Variants in GCNT1 observed in about 807,000 individuals in gnomAD.
GCNT1 encodes glucosaminyl (N-acetyl) transferase 1.
Under a neutral mutation model 26.2 loss-of-function variants are expected in GCNT1, and 16 were observed. The ratio of observed to expected loss-of-function variants is 0.61; its 90% CI spans 0.41 to 0.93. The LOEUF is 0.93. Among genes scored for constraint, GCNT1 ranks in the 40% least tolerant of loss-of-function variants. GCNT1 has a pLI of 0.00. For synonymous variants in GCNT1, 183 were observed against 190.8 expected (o/e 0.96, Z 0.34); for missense variants, 477 against 526.7 (o/e 0.91, Z 0.92).
rs750126976 is a variant in GCNT1 at position 76,502,398 on chromosome 9, T to A, written c.17T>A (p.Leu6Gln). 57 of 1,611,624 alleles carry A rather than the reference T, an allele frequency of 3.5e-5. No homozygotes were observed. Among genetic ancestry groups the A allele is most frequent in the Non-Finnish European group, 4.8e-5 (57 of 1,178,212 alleles). The change falls in exon 4 of 4, where the codon CTG (leucine) becomes CAG (glutamine). Residue 6 changes from leucine (L) to glutamine (Q), a missense_variant. By Grantham distance (113) the Leu-to-Gln change is moderately radical (BLOSUM62 -2). Transcript: ENST00000376730. MLRTL[L>Q]RRRLFSYPTK... Reference sequence around the variant, plus strand: ...TTGTTTGAAATGCTGAGGACGTTGCTGCGAAGGAGACTTTTTTCTTATCCC... The same window carrying A: ...TTGTTTGAAATGCTGAGGACGTTGCAGCGAAGGAGACTTTTTTCTTATCCC...
At chr9:76,430,975 T>C (rs1190836226) in intron 1 of GCNT1, among the ~76,000 whole-genome samples, 1 of 152,216 alleles carries the variant, frequency 6.6e-6, no homozygotes, top group Non-Finnish European at 1.5e-5. Context: ...CATGAGCCAC[T>C]GTACCTGGCC....
intron 2 of GCNT1, among the ~76,000 whole-genome samples, 156 bp downstream of exon 2, chr9:76,460,333 G>A (rs1025499606): frequency 5.3e-5 from 8 of 152,136 alleles, no homozygotes; most frequent in Admixed American, 2.0e-4. Flanking sequence ...TTCAAAGAAA[G>A]CCGTGGTGCC....
intron 1 of GCNT1, among the ~76,000 whole-genome samples, chr9:76,432,891 A>G (rs1475965215): frequency 6.6e-6 from 1 of 151,910 alleles, no homozygotes; most frequent in African/African-American, 2.4e-5. Context: ...TTGTTTTTTT[A>G]CAGTCGTGCT....
At chr9:76,470,112 A>G (rs1213688352) in intron 2 of GCNT1, among the ~76,000 whole-genome samples, 1 of 152,214 alleles carries the variant, frequency 6.6e-6, no homozygotes, top group Non-Finnish European at 1.5e-5. Context: ...GTGTGTGTGT[A>G]TATGACTTTG....
At chr9:76,467,908 T>TC (rs1331868981) in intron 2 of GCNT1, among the ~76,000 whole-genome samples, 1 of 132,188 alleles carries the variant, frequency 7.6e-6, no homozygotes, top group Non-Finnish European at 1.6e-5. Flanking sequence ...TTTTTTTTTT[T>TC]TTTTTTTTTT....
intron 2 of GCNT1, among the ~76,000 whole-genome samples, chr9:76,483,704 C>T (rs1358583841): frequency 1.3e-5 from 2 of 151,846 alleles, no homozygotes; most frequent in African/African-American, 4.8e-5. Flanking sequence ...ATAACAGGCA[C>T]AAGCCACCAC....
At chr9:76,402,989 A>G in the GCNT1 span, among the ~76,000 whole-genome samples, 1 of 152,136 alleles carries the variant, frequency 6.6e-6, no homozygotes, top group South Asian at 2.1e-4. Flanking sequence ...TGATTGTTTA[A>G]TAAATACACC....
upstream of GCNT1, among the ~76,000 whole-genome samples, chr9:76,440,583 C>G (rs78093447): frequency 0.018 from 2,680 of 152,300 alleles, 76 homozygotes; most frequent in African/African-American, 0.06. Context: ...CCCACCTGTC[C>G]TGTCTCCTTC....
chr9:76,394,292 G>A, the GCNT1 span: 6 of 939,732 alleles, frequency 6.4e-6, no homozygotes, highest in South Asian at 3.7e-5. Context: ...TGCCTGCCGC[G>A]GGGGCGCACC....
At chr9:76,466,590 C>T (rs896085241) in intron 2 of GCNT1, among the ~76,000 whole-genome samples, 16 of 152,186 alleles carry the variant, frequency 1.1e-4, no homozygotes, top group Admixed American at 8.5e-4. Context: ...GCATGAGCCA[C>T]TGTGTCTGGC....
At position 76,477,354 on chromosome 9, in the gene GCNT1, C is replaced by T. The variant is rs558344175; in HGVS notation, c.-290+17177C>T. On this transcript the variant is annotated intron_variant, in intron 2 of 3. Transcript: ENST00000376730. ...CAGCCTTGCCAACATGGTGAAACCC[C>T]GTCTCTATTAAAAATACAAAAATTA... Among the ~76,000 whole-genome samples, 21 of 151,986 alleles carry T rather than the reference C, an allele frequency of 1.4e-4. No individual in the cohort carries two copies. In the East Asian group the frequency reaches 2.4e-3, roughly 17 times the overall value.
intron 1 of GCNT1, among the ~76,000 whole-genome samples, chr9:76,425,725 C>A (rs1385103788): frequency 6.6e-6 from 1 of 151,962 alleles, no homozygotes; most frequent in African/African-American, 2.4e-5. Context: ...AATCGGTCTC[C>A]CTGAAAAGTT....
At chr9:76,417,282 A>C (rs1333628871), upstream of GCNT1, among the ~76,000 whole-genome samples, 3 of 152,224 alleles carry the variant, frequency 2.0e-5, no homozygotes, top group Non-Finnish European at 2.9e-5. Flanking sequence ...GCAGTAAATG[A>C]AGTTGACAAA....
intron 2 of GCNT1, among the ~76,000 whole-genome samples, chr9:76,487,551 G>T (rs533889848): frequency 7.9e-5 from 12 of 152,062 alleles, no homozygotes; most frequent in African/African-American, 2.9e-4. Flanking sequence ...GAGCCACCGC[G>T]CCCAGCCAGT....
Position 76,486,490 on chromosome 9 carries a change from C to G in GCNT1, c.-289-14426C>G, listed in dbSNP as rs112270996. On this transcript the variant is annotated intron_variant, in intron 2 of 3. Transcript: ENST00000376730. ...TTGGAAAGCATTGCTCTATTTTAGT[C>G]TACCTTTCAGCAGAAGGTGGGCTGT... Among the ~76,000 whole-genome samples, 1,351 of 152,296 alleles carry G rather than the reference C, an allele frequency of 8.9e-3. 19 individuals are homozygous for G. The highest frequency in any genetic ancestry group is 0.029 in the African/African-American group (1,214 of 41,554).
chr9:76,409,815 C>CT, the GCNT1 span, among the ~76,000 whole-genome samples: 17 of 151,026 alleles, frequency 1.1e-4, no homozygotes, highest in South Asian at 1.0e-3. Flanking sequence ...TTAATTTGCC[C>CT]TTTTTTTTTC....
intron 2 of GCNT1, among the ~76,000 whole-genome samples, chr9:76,475,876 AG>A (rs1824243122): frequency 1.5e-5 from 2 of 132,948 alleles, no homozygotes; most frequent in African/African-American, 6.4e-5. Context: ...GCATTTAGGA[AG>A]TAACTAACAT....
chr9:76,461,266 T>A (rs1172472681), intron 2 of GCNT1, among the ~76,000 whole-genome samples: 2 of 151,884 alleles, frequency 1.3e-5, no homozygotes, highest in Non-Finnish European at 2.9e-5. Context: ...TAAAGCCTGA[T>A]TTTAAATATT....
chr9:76,483,068 A>G (rs1824465859), intron 2 of GCNT1, among the ~76,000 whole-genome samples: 2 of 152,188 alleles, frequency 1.3e-5, no homozygotes, highest in African/African-American at 2.4e-5. Context: ...TTGTATTACA[A>G]TGTAATAATA....
Sources: allele counts gnomAD v4.1 joint callset (sites outside exome capture counted in the v4.1 genomes callset), GRCh38; gene constraint gnomAD v4.1.1; transcripts MANE v1.5; gene names NCBI Gene and HGNC (gene_info 2026-07-23, HGNC 2026-07-21).